Variants in SLC26A5 observed in about 807,000 individuals in gnomAD.
The protein encoded by SLC26A5 is solute carrier family 26 member 5.
SLC26A5 carries 51 observed loss-of-function variants against 81.0 expected under a neutral mutation model. The ratio of observed to expected loss-of-function variants is 0.63; its 90% CI spans 0.50 to 0.80. The LOEUF (loss-of-function observed/expected upper bound fraction) is 0.80, where lower values mean the gene tolerates loss of function less well. Ranked by LOEUF, SLC26A5 falls within the 30% of genes least tolerant of loss-of-function variation. The pLI is 0.00. For synonymous variants in SLC26A5, 325 were observed against 332.8 expected, an observed-to-expected ratio of 0.98 and a Z score of 0.25; for missense variants, 771 against 905.8, an observed-to-expected ratio of 0.85 and a Z score of 1.91.
At chr7:103,403,812 G>C (rs1175854758) in intron 8 of SLC26A5, among the ~76,000 whole-genome samples, 12 of 152,012 alleles carry the variant, frequency 7.9e-5, no homozygotes, top group Admixed American at 6.6e-4. Context: ...ACACTGATGG[G>C]TTTTGACTCT....
At chr7:103,434,545 G>C (rs1639931213) in intron 2 of SLC26A5, among the ~76,000 whole-genome samples, 1 of 151,858 alleles carries the variant, frequency 6.6e-6, no homozygotes, top group Non-Finnish European at 1.5e-5. Context: ...TTCTATCTCA[G>C]AAAACAAAGA....
At chr7:103,388,780 A>G (rs1822410173) in intron 14 of SLC26A5, 1 of 469,474 alleles carries the variant, frequency 2.1e-6, no homozygotes, top group Non-Finnish European at 4.1e-6. Flanking sequence ...CATTGATGGG[A>G]GCATAAATTG....
chr7:103,380,362 T>C (rs1386317919), intron 15 of SLC26A5, 118 bp downstream of exon 15: 3 of 780,458 alleles, frequency 3.8e-6, no homozygotes, highest in Non-Finnish European at 6.7e-6. Context: ...GCTCAGACTT[T>C]TCACTTTGAC....
Position 103,389,441 on chromosome 7 carries a change from C to T in SLC26A5, c.1312-17G>A. ...CAGCACAGCCTGAAACAGAGCACAT[C>T]CCCCATGCCTCTCCTCTTGTGTCCA... is the stretch of plus-strand genomic sequence containing the variant. On this transcript the variant is annotated splice_polypyrimidine_tract_variant and intron_variant, in intron 12 of 19. Coordinates refer to ENST00000306312, the MANE Select transcript of SLC26A5 (RefSeq NM_198999.3). 1.3e-6 allele frequency: 2 copies of T among 1,578,328 alleles called. No individual in the cohort carries two copies. Among genetic ancestry groups the T allele is most frequent in the Non-Finnish European group, 1.7e-6 (2 of 1,147,484 alleles).
chr7:103,420,006 T>C (rs552877983), intron 4 of SLC26A5, among the ~76,000 whole-genome samples: 14 of 152,274 alleles, frequency 9.2e-5, no homozygotes, highest in African/African-American at 3.1e-4. Flanking sequence ...CTAATAGACA[T>C]GTACTGTTTA....
rs573270599 is a variant in SLC26A5 at position 103,358,897 on chromosome 7, T to C, written c.2042-5971A>G. ...CAGGCCTTAAAGAAAGCAAAGATTA[T>C]TTTGAAAAAGTTTCCATTGATTTTA... On this transcript the variant is annotated intron_variant, in intron 19 of 19. Transcript: ENST00000339444. Among the ~76,000 whole-genome samples the C allele has an allele frequency of 3.9e-5, 6 of 152,160 alleles. No homozygotes were observed. In the East Asian group the frequency reaches 1.2e-3, roughly 29 times the overall value.
rs763240933 is a variant in SLC26A5 at position 103,377,609 on chromosome 7, G to C, written c.1976C>G (p.Thr659Ser). Reference protein sequence around the residue: ...VNFIDSVGVKTLAGIVKEYGD... With the variant: ...VNFIDSVGVKSLAGIVKEYGD... ...CAAGAGGATGCTTACCCCTGCCAGA[G>C]TTTTCACTCCAACAGAATCAATAAA... Residue 659 changes from threonine to serine, a missense_variant, in exon 18 of 20, where the codon ACT becomes AGT. Transcript: ENST00000306312. The C allele has an allele frequency of 9.3e-6, 15 of 1,614,036 alleles. No homozygotes were observed. The South Asian group carries it at 1.4e-4, about 15-fold the overall frequency.
chr7:103,362,420 A>G, intron 19 of SLC26A5: 1 of 1,352,336 alleles, frequency 7.4e-7, no homozygotes, highest in Non-Finnish European at 9.5e-7. Context: ...TGTCTATAGA[A>G]TACATAACAA....
intron 9 of SLC26A5, among the ~76,000 whole-genome samples, chr7:103,396,489 G>A (rs368273898): frequency 1.3e-5 from 2 of 152,136 alleles, no homozygotes; most frequent in Non-Finnish European, 1.5e-5. Context: ...AATATTATTC[G>A]GCCTTAAGAA....
At chr7:103,380,781 CAT>C (rs1172094282) in intron 14 of SLC26A5, among the ~76,000 whole-genome samples, 9 of 151,712 alleles carry the variant, frequency 5.9e-5, no homozygotes, top group African/African-American at 2.2e-4. Flanking sequence ...CACACACACA[CAT>C]ACATACCACA....
At chr7:103,388,796 T>C (rs930418377) in intron 14 of SLC26A5, 4 of 502,244 alleles carry the variant, frequency 8.0e-6, no homozygotes, top group South Asian at 3.6e-5. Flanking sequence ...AATTGTGACA[T>C]AGAAGAGCAT....
intron 19 of SLC26A5, chr7:103,362,518 A>G (rs1219035085): frequency 2.2e-5 from 31 of 1,407,904 alleles, no homozygotes; most frequent in Non-Finnish European, 2.8e-5. Flanking sequence ...TTAGACATGT[A>G]GTTTAGTATC....
rs1352388705 is a variant in SLC26A5, at chr7:103,426,193, G to A, written c.-53-4626C>T. Among the ~76,000 whole-genome samples, 13 of 152,278 alleles carry A rather than the reference G, an allele frequency of 8.5e-5. 1 individual carries two copies. The highest frequency in any genetic ancestry group is 3.3e-4 in the Admixed American group (5 of 15,298). The stretch of plus-strand genomic sequence containing the variant: ...TTCTCACAACAAAAGAGAGTTGTGC[G>A]GAGGTGGGCAGTGCAACATCCACTA... On this transcript the variant is annotated intron_variant, in intron 2 of 19. Transcript: ENST00000306312.
At chr7:103,390,357 G>A (rs2116470746) in intron 12 of SLC26A5, 72 bp downstream of exon 12, 4 of 1,347,796 alleles carry the variant, frequency 3.0e-6, no homozygotes, top group African/African-American at 1.4e-5. Context: ...ATAGCCATAA[G>A]AACATAAACA....
chr7:103,354,832 C>A (rs371479022), intron 19 of SLC26A5: 8 of 1,335,146 alleles, frequency 6.0e-6, no homozygotes, highest in Non-Finnish European at 6.4e-6. Context: ...TGGTTGATAT[C>A]CTGATATTCT....
At chr7:103,363,399 T>C in intron 19 of SLC26A5, 2 of 1,614,048 alleles carry the variant, frequency 1.2e-6, no homozygotes, top group Non-Finnish European at 1.7e-6. Context: ...AAGGAACAGA[T>C]TGAGAAACTG....
intron 5 of SLC26A5, among the ~76,000 whole-genome samples, chr7:103,412,160 ATTG>A (rs1223409762): frequency 6.6e-6 from 1 of 152,152 alleles, no homozygotes; most frequent in Non-Finnish European, 1.5e-5. Context: ...TACAAACATG[ATTG>A]TTGTTGTAAA....
chr7:103,356,798 C>T (rs2116171321), intron 19 of SLC26A5, among the ~76,000 whole-genome samples: 2 of 152,096 alleles, frequency 1.3e-5, no homozygotes, highest in East Asian at 3.9e-4. Flanking sequence ...CCAATATTTC[C>T]ATTATACCTT....
intron 4 of SLC26A5, among the ~76,000 whole-genome samples, chr7:103,415,098 G>C (rs1824802058): frequency 6.6e-6 from 1 of 152,074 alleles, no homozygotes; most frequent in South Asian, 2.1e-4. Flanking sequence ...CAAATTTCTG[G>C]GACAATTAGA....
Sources: allele counts gnomAD v4.1 joint callset (sites outside exome capture counted in the v4.1 genomes callset), GRCh38; gene constraint gnomAD v4.1.1; transcripts MANE v1.5; gene names NCBI Gene and HGNC (gene_info 2026-07-23, HGNC 2026-07-21).